Variants in DLG2 observed in about 807,000 individuals in gnomAD.
DLG2 encodes disks large homolog 2.
A neutral mutation model predicts 132.5 loss-of-function variants in DLG2; 45 were observed. That is an observed-to-expected ratio of 0.34 (90% CI 0.27 to 0.44). DLG2 has a LOEUF of 0.44. DLG2 is among the 20% of genes least tolerant of loss of function. The pLI is 1.00. For synonymous variants in DLG2, 424 were observed against 419.6 expected (o/e 1.01, Z -0.13); for missense variants, 1,045 against 1,196.9 (o/e 0.87, Z 1.87).
At chr11:84,898,321 T>C (rs1216398285) in intron 6 of DLG2, among the ~76,000 whole-genome samples, 1 of 151,942 alleles carries the variant, frequency 6.6e-6, no homozygotes, top group African/African-American at 2.4e-5. Context: ...TTGGTTTCTT[T>C]CCTTGTTCTA....
intron 7 of DLG2, among the ~76,000 whole-genome samples, chr11:84,430,715 C>T (rs952743671): frequency 1.2e-4 from 18 of 152,158 alleles, no homozygotes; most frequent in African/African-American, 4.3e-4. Flanking sequence ...AACAGTTGTG[C>T]TTTTTGCTCT....
intron 7 of DLG2, among the ~76,000 whole-genome samples, chr11:84,430,563 C>T (rs1007062240): frequency 6.6e-6 from 1 of 151,810 alleles, no homozygotes; most frequent in African/African-American, 2.4e-5. Context: ...CTCGAGTAAA[C>T]TGCTTAATAG....
At chr11:84,869,702 C>T (rs960640016) in intron 6 of DLG2, among the ~76,000 whole-genome samples, 3 of 152,166 alleles carry the variant, frequency 2.0e-5, no homozygotes, top group Admixed American at 2.0e-4. Context: ...CCATTTGTCT[C>T]TTCTAGACTA....
At chr11:84,416,151 C>A (rs997993338) in intron 7 of DLG2, among the ~76,000 whole-genome samples, 7 of 152,000 alleles carry the variant, frequency 4.6e-5, no homozygotes, top group African/African-American at 1.2e-4. Flanking sequence ...CTTTCATGAC[C>A]CTATATTCAT....
intron 11 of DLG2, among the ~76,000 whole-genome samples, chr11:84,035,655 C>G (rs1345835923): frequency 6.6e-6 from 1 of 152,108 alleles, no homozygotes; most frequent in Non-Finnish European, 1.5e-5. Context: ...GGAGGGGAAG[C>G]TAGTAGATAG....
chr11:84,209,232 G>T (rs1348447079), intron 8 of DLG2, among the ~76,000 whole-genome samples: 1 of 152,164 alleles, frequency 6.6e-6, no homozygotes, highest in Non-Finnish European at 1.5e-5. Flanking sequence ...GATCATTAAA[G>T]TAAAAACATT....
intron 4 of DLG2, among the ~76,000 whole-genome samples, chr11:85,284,972 A>G (rs1224364822): frequency 2.0e-5 from 3 of 151,934 alleles, no homozygotes; most frequent in Non-Finnish European, 2.9e-5. Context: ...ACTTGAGTCA[A>G]CTCAAACTAT....
chr11:83,916,320 T>G (rs547712421), intron 15 of DLG2, among the ~76,000 whole-genome samples: 5 of 151,956 alleles, frequency 3.3e-5, no homozygotes, highest in Admixed American at 1.3e-4. Flanking sequence ...TTTTTTTTTG[T>G]TTTTTGTTTT....
At chr11:83,788,900 T>G (rs1304478845) in intron 17 of DLG2, among the ~76,000 whole-genome samples, 1 of 152,196 alleles carries the variant, frequency 6.6e-6, no homozygotes, top group East Asian at 1.9e-4. Context: ...GTTCCATAGG[T>G]TTTCATGTTA....
rs780891728 is a variant in DLG2, at chr11:84,714,553, CTCTCTTTCTCTT to C, written c.358-179834_358-179823del. ...TCTTTCTCTTTCTCTTTCTCTTTCT[CTCTCTTTCTCTT>C]TCTCTTTCTCTTTCTCTTTCTCTTT... On this transcript the variant is annotated intron_variant, in intron 6 of 27. Coordinates refer to ENST00000376104, the MANE Select transcript of DLG2 (RefSeq NM_001142699.3). Among the ~76,000 whole-genome samples the C allele has an allele frequency of 3.0e-3, 328 of 109,246 alleles. 3 individuals carry two copies. The highest frequency in any genetic ancestry group is 5.7e-3 in the Admixed American group (64 of 11,314). 71.7% of individuals were successfully genotyped at this position (109,246 alleles called of 152,430 possible). A position where few individuals can be genotyped will look rare whatever the true frequency, so the allele number is the denominator to read the frequency against.
At chr11:84,579,958 G>A (rs778146703) in intron 6 of DLG2, among the ~76,000 whole-genome samples, 10 of 152,180 alleles carry the variant, frequency 6.6e-5, no homozygotes, top group Non-Finnish European at 1.0e-4. Flanking sequence ...GCAGCTGAGT[G>A]CCTGGAAGGT....
At chr11:84,223,773 C>T (rs1191498091) in intron 8 of DLG2, among the ~76,000 whole-genome samples, 4 of 152,038 alleles carry the variant, frequency 2.6e-5, no homozygotes, top group Non-Finnish European at 4.4e-5. Context: ...GCCAGGCTGG[C>T]CTCAAACTCC....
At chr11:85,412,978 A>G (rs1049822055) in intron 3 of DLG2, among the ~76,000 whole-genome samples, 3 of 151,666 alleles carry the variant, frequency 2.0e-5, no homozygotes, top group African/African-American at 7.3e-5. Context: ...GTTATTTAAG[A>G]AATCTCCAAA....
At position 83,736,918 on chromosome 11, in the gene DLG2, C is replaced by T. The variant is rs538100775; in HGVS notation, c.1825+49772G>A. ...CAGTTTACTGAGCATCTGTGCATGACAGAATTTGGGACACTGTGGGTGGTA... is the reference window on the plus strand; with the variant it reads ...CAGTTTACTGAGCATCTGTGCATGATAGAATTTGGGACACTGTGGGTGGTA... On this transcript the variant is annotated intron_variant, in intron 18 of 27. Coordinates refer to ENST00000376104, the MANE Select transcript of DLG2 (RefSeq NM_001142699.3). 7.9e-5 allele frequency among the ~76,000 whole-genome samples: 12 copies of T among 152,282 alleles called. No individual in the cohort carries two copies. In the East Asian group the frequency reaches 2.3e-3, roughly 29 times the overall value.
intron 11 of DLG2, among the ~76,000 whole-genome samples, chr11:84,052,953 A>T (rs1371207343): frequency 6.6e-6 from 1 of 152,090 alleles, no homozygotes; most frequent in African/African-American, 2.4e-5. Flanking sequence ...TATTATAAAG[A>T]TACATGCAGG....
chr11:84,597,130 G>T (rs145449930), intron 6 of DLG2, among the ~76,000 whole-genome samples: 396 of 152,256 alleles, frequency 2.6e-3, no homozygotes, highest in African/African-American at 8.8e-3. Flanking sequence ...TGAGGCAGGA[G>T]AATTGCTTGA....
rs78977265 is a variant in DLG2, at chr11:84,622,591, G to A, written c.358-87860C>T. 8.8e-3 allele frequency among the ~76,000 whole-genome samples: 1,344 copies of A among 152,300 alleles called. 11 individuals are homozygous for A. Among genetic ancestry groups the A allele is most frequent in the Non-Finnish European group, 0.01 (687 of 68,034 alleles). ...AACACGTGTTAGGTGTTTCACAGAA[G>A]TGGAGGGGAGAACATTGCCAGGGAG... On this transcript the variant is annotated intron_variant, in intron 6 of 27. Transcript: ENST00000376104.
intron 15 of DLG2, among the ~76,000 whole-genome samples, chr11:83,894,841 C>T (rs1044247605): frequency 6.6e-6 from 1 of 152,126 alleles, no homozygotes; most frequent in African/African-American, 2.4e-5. Context: ...CTACTCTCTG[C>T]CTTCATGAGA....
chr11:84,457,188 C>T (rs1293807093), intron 7 of DLG2, among the ~76,000 whole-genome samples: 1 of 150,982 alleles, frequency 6.6e-6, no homozygotes, highest in African/African-American at 2.4e-5. Flanking sequence ...AATTCAAAGA[C>T]AATATATCAA....
Sources: allele counts gnomAD v4.1 joint callset (sites outside exome capture counted in the v4.1 genomes callset), GRCh38; gene constraint gnomAD v4.1.1; transcripts MANE v1.5; gene names NCBI Gene and HGNC (gene_info 2026-07-23, HGNC 2026-07-21).